EML5: variants seen among roughly 807,000 people sequenced by gnomAD.
The protein encoded by EML5 is echinoderm microtubule-associated protein-like 5.
Under a neutral mutation model 250.0 loss-of-function variants are expected in EML5, and 120 were observed. The observed-to-expected ratio is 0.48, with a 90% confidence interval of 0.41 to 0.56. The LOEUF is 0.56. EML5 is among the 20% of genes least tolerant of loss of function. The probability of loss-of-function intolerance (pLI) is 0.00; values close to 1 mark genes in which losing one functional copy is unlikely to be tolerated. For synonymous variants in EML5, 771 were observed against 806.5 expected, an observed-to-expected ratio of 0.96 and a Z score of 0.75; for missense variants, 2,006 against 2,437.6, an observed-to-expected ratio of 0.82 and a Z score of 3.73.
rs554975670 is a variant in EML5 at position 88,746,883 on chromosome 14, C to A, written c.358-600G>T. 2.0e-5 allele frequency among the ~76,000 whole-genome samples: 3 copies of A among 152,288 alleles called. No homozygotes were observed. The South Asian group carries it at 6.2e-4, about 32-fold the overall frequency. ...GAAGAGGGAGAAACACCTCCCTGAA[C>A]ATTTGTAACCACAAGCATCCTTCAC... On this transcript the variant is annotated intron_variant, in intron 2 of 43. Coordinates refer to ENST00000554922, the MANE Select transcript of EML5 (RefSeq NM_183387.3).
intron 37 of EML5, chr14:88,621,654 G>GT: frequency 3.4e-6 from 1 of 293,926 alleles, no homozygotes; most frequent in South Asian, 3.9e-5. Flanking sequence ...TTATTTTTTA[G>GT]TTAAAAAGTA....
Position 88,695,390 on chromosome 14 carries a change from C to T in EML5, c.2409G>A (p.Trp803Ter), listed in dbSNP as rs1251686007. ...DDSHTVVLWD[W>*]KKGEKLSIAR... ...CTATTGAAAGTTTCTCTCCTTTCTT[C>T]CAGTCCCAGAGCACAACAGTATGGC... The change falls in exon 16 of 44, where the codon TGG becomes TGA. Residue 803 changes from tryptophan (W) to a stop codon, truncating the protein, a stop_gained. Transcript: ENST00000554922. LOFTEE classifies it high-confidence loss of function. 1.1e-5 allele frequency: 17 copies of T among 1,611,894 alleles called. No homozygotes were observed. Among genetic ancestry groups the T allele is most frequent in the Non-Finnish European group, 1.4e-5 (17 of 1,179,120 alleles).
intron 28 of EML5, among the ~76,000 whole-genome samples, chr14:88,649,288 G>A (rs1296891240): frequency 2.6e-5 from 4 of 152,042 alleles, no homozygotes; most frequent in South Asian, 2.1e-4. Flanking sequence ...CTCTCACTTC[G>A]GCCTTCCCAA....
At chr14:88,756,700 T>TA (rs1311684308) in intron 1 of EML5, among the ~76,000 whole-genome samples, 2 of 151,512 alleles carry the variant, frequency 1.3e-5, no homozygotes, top group African/African-American at 2.4e-5. Flanking sequence ...CAACGAACAA[T>TA]AAAAAAATTA....
chr14:88,649,252 T>A (rs1175878136), intron 28 of EML5, among the ~76,000 whole-genome samples: 1 of 152,130 alleles, frequency 6.6e-6, no homozygotes, highest in Non-Finnish European at 1.5e-5. Flanking sequence ...TCTAGGCTGG[T>A]CTTGAACTCC....
chr14:88,685,623 T>C (rs1325379645), intron 19 of EML5, among the ~76,000 whole-genome samples: 1 of 152,064 alleles, frequency 6.6e-6, no homozygotes, highest in Non-Finnish European at 1.5e-5. Flanking sequence ...CCATATATTT[T>C]TTTTTTCAGT....
At position 88,792,514 on chromosome 14, in the gene EML5, C is replaced by T. The variant is rs1218401371; in HGVS notation, c.-11G>A. 1 of 1,346,058 alleles carries T rather than the reference C, an allele frequency of 7.4e-7. No homozygotes were observed. Among genetic ancestry groups the T allele is most frequent in the Admixed American group, 2.8e-5 (1 of 35,570 alleles). The allele number at this position is 1,346,058 out of a possible 1,614,324, so 83.4% of individuals were successfully genotyped here. ...GCTCCGGGCCGCCATGTCGGGGCGCCCACCCGCCGCTCCCGCTCGGGCCCG... is the reference window on the plus strand; with the variant it reads ...GCTCCGGGCCGCCATGTCGGGGCGCTCACCCGCCGCTCCCGCTCGGGCCCG... On this transcript the variant is annotated 5_prime_UTR_variant, in exon 1 of 44. Transcript: ENST00000554922. The surrounding 1 kb of genome is among the most constrained non-coding windows in gnomAD (Gnocchi z 6.9).
chr14:88,635,078 T>C (rs532513909), intron 32 of EML5, among the ~76,000 whole-genome samples: 1 of 152,336 alleles, frequency 6.6e-6, no homozygotes, highest in Non-Finnish European at 1.5e-5. Flanking sequence ...AAAGAAAATG[T>C]GAAAGCTCAT....
At chr14:88,786,382 G>A (rs2094551339) in intron 1 of EML5, among the ~76,000 whole-genome samples, 1 of 152,008 alleles carries the variant, frequency 6.6e-6, no homozygotes, top group South Asian at 2.1e-4. Context: ...CATAAGGGTG[G>A]GCAATTTTAT....
intron 25 of EML5, among the ~76,000 whole-genome samples, chr14:88,660,105 A>G (rs2092025870): frequency 6.6e-6 from 1 of 151,848 alleles, no homozygotes; most frequent in Non-Finnish European, 1.5e-5. Flanking sequence ...TGGAGACCCC[A>G]TCTCTACAAA....
At chr14:88,716,801 T>C (rs976963026) in intron 8 of EML5, among the ~76,000 whole-genome samples, 8 of 151,796 alleles carry the variant, frequency 5.3e-5, no homozygotes, top group African/African-American at 9.7e-5. Context: ...GGTTGACTGA[T>C]TGGTATTTTA....
chr14:88,767,587 T>C (rs548131361), intron 1 of EML5, among the ~76,000 whole-genome samples: 7 of 152,368 alleles, frequency 4.6e-5, no homozygotes, highest in Non-Finnish European at 8.8e-5. Flanking sequence ...TAATATATTC[T>C]TGGTACAATT....
intron 10 of EML5, among the ~76,000 whole-genome samples, chr14:88,710,365 A>G (rs926193483): frequency 1.3e-5 from 2 of 152,234 alleles, no homozygotes; most frequent in Admixed American, 1.3e-4. Flanking sequence ...TTTAAAGTCC[A>G]CATTTTGTAA....
intron 19 of EML5, 93 bp downstream of exon 19, chr14:88,687,123 T>C: frequency 1.1e-6 from 1 of 946,066 alleles, no homozygotes. Context: ...GACGGAAAAA[T>C]ACATGCCATG....
At position 88,618,683 on chromosome 14, in the gene EML5, T is replaced by C. The variant is rs1369031439; in HGVS notation, c.5505A>G (p.Gln1835=). The C allele has an allele frequency of 3.1e-6, 5 of 1,612,836 alleles. No individual in the cohort carries two copies. Among genetic ancestry groups the C allele is most frequent in the Non-Finnish European group, 1.7e-6 (2 of 1,179,456 alleles). ...AACTGCTATCTGCAGAGAAGTCCAT[T>C]TGAATGACAAAGCTTGGAATGTCTT... The part of the protein sequence containing the change: ...YCKDIPSFVI[Q]MDFSADSSYL... The change falls in exon 40 of 44, where the codon CAA becomes CAG. Residue 1835 remains glutamine (Q), a synonymous_variant. Coordinates refer to ENST00000554922, the MANE Select transcript of EML5 (RefSeq NM_183387.3).
At chr14:88,790,529 T>C (rs2094595375) in intron 1 of EML5, among the ~76,000 whole-genome samples, 2 of 152,152 alleles carry the variant, frequency 1.3e-5, no homozygotes, top group African/African-American at 4.8e-5. Context: ...ATAAATCATA[T>C]CTAGTTTCAG....
At chr14:88,677,950 C>G (rs750926434) in intron 21 of EML5, among the ~76,000 whole-genome samples, 5 of 152,088 alleles carry the variant, frequency 3.3e-5, no homozygotes, top group Non-Finnish European at 7.4e-5. Context: ...AGTATATACA[C>G]AAAGGAACAG....
chr14:88,641,252 T>C (rs1311856287), intron 31 of EML5, among the ~76,000 whole-genome samples: 1 of 151,992 alleles, frequency 6.6e-6, no homozygotes, highest in Non-Finnish European at 1.5e-5. Flanking sequence ...CCTCTCTAAC[T>C]CATTCTGTGA....
Position 88,626,888 on chromosome 14 carries a change from T to C in EML5, c.4690A>G (p.Thr1564Ala). 3 of 1,613,990 alleles carry C rather than the reference T, an allele frequency of 1.9e-6. No homozygotes were observed. The South Asian group carries it at 3.3e-5, about 18-fold the overall frequency. The change falls in exon 35 of 44, where the codon ACA becomes GCA. Residue 1564 changes from threonine to alanine, a missense_variant. By Grantham distance (58) the Thr-to-Ala change is moderately conservative. Coordinates refer to ENST00000554922, the MANE Select transcript of EML5 (RefSeq NM_183387.3). Reference sequence around the variant, plus strand: ...GTCTGCATCCGGGCATCTTCCAGTGTGCTCAGTAGCCCTTTTTTGCTAAGA... The same window carrying C: ...GTCTGCATCCGGGCATCTTCCAGTGCGCTCAGTAGCCCTTTTTTGCTAAGA... Reference protein sequence around the residue: ...ALLSKKGLLSTLEDARMQTML... With the variant: ...ALLSKKGLLSALEDARMQTML...
Sources: allele counts gnomAD v4.1 joint callset (sites outside exome capture counted in the v4.1 genomes callset), GRCh38; gene constraint gnomAD v4.1.1; non-coding constraint Gnocchi (gnomAD v3.1); transcripts MANE v1.5; gene names NCBI Gene and HGNC (gene_info 2026-07-23, HGNC 2026-07-21).